TNRC6B: variants seen among roughly 807,000 people sequenced by gnomAD.
TNRC6B encodes the protein trinucleotide repeat-containing gene 6B protein.
TNRC6B carries 52 observed loss-of-function variants against 203.6 expected under a neutral mutation model. That is an observed-to-expected ratio of 0.26 (90% CI 0.20 to 0.32). The LOEUF (loss-of-function observed/expected upper bound fraction) is 0.32, where lower values mean the gene tolerates loss of function less well. Ranked by LOEUF, TNRC6B falls within the 10% of genes least tolerant of loss-of-function variation. TNRC6B has a pLI of 1.00. For missense variants in TNRC6B, 1,923 were observed against 2,286.2 expected, an observed-to-expected ratio of 0.84 and a Z score of 3.24; for synonymous variants, 838 against 845.7, an observed-to-expected ratio of 0.99 and a Z score of 0.16.
rs538678269 is a variant in TNRC6B at position 40,268,288 on chromosome 22, G to A, written c.2806+1252G>A. On this transcript the variant is annotated intron_variant, in intron 5 of 22. Coordinates refer to ENST00000454349, the MANE Select transcript of TNRC6B (RefSeq NM_001162501.2). ...TTTAGTAGAGACAGGATTTCACCAT[G>A]TTGGCCAGGGTGGTCTCAGACTCCT... 9.2e-5 allele frequency among the ~76,000 whole-genome samples: 14 copies of A among 152,134 alleles called. 1 individual carries two copies. In the South Asian group the frequency reaches 2.9e-3, roughly 32 times the overall value.
rs568421413 is a variant in TNRC6B, at chr22:40,248,489, A to G, written c.93+2387A>G. 5.9e-5 allele frequency among the ~76,000 whole-genome samples: 9 copies of G among 152,392 alleles called. 1 individual carries two copies. In the South Asian group the frequency reaches 1.7e-3, roughly 28 times the overall value. Reference sequence around the variant, plus strand: ...ATATTCCTCTTCATTTTTAACATACATAACAGTGTTTTCTTAAACTACAAA... The same window carrying G: ...ATATTCCTCTTCATTTTTAACATACGTAACAGTGTTTTCTTAAACTACAAA... On this transcript the variant is annotated intron_variant, in intron 2 of 22. Transcript: ENST00000454349.
intron 1 of TNRC6B, among the ~76,000 whole-genome samples, chr22:40,049,417 A>C (rs1003957268): frequency 1.3e-5 from 2 of 152,006 alleles, no homozygotes; most frequent in Non-Finnish European, 2.9e-5. Context: ...CCTGACTTCT[A>C]TCCCGGAGAT....
At chr22:40,105,571 G>T (rs909649517) in intron 1 of TNRC6B, among the ~76,000 whole-genome samples, 4 of 152,104 alleles carry the variant, frequency 2.6e-5, no homozygotes, top group Non-Finnish European at 5.9e-5. Context: ...ATCTCCTTTT[G>T]TGTCTCGTCC....
intron 1 of TNRC6B, among the ~76,000 whole-genome samples, chr22:40,090,414 TTA>T (rs1229062232): frequency 1.4e-5 from 2 of 146,626 alleles, no homozygotes; most frequent in African/African-American, 5.1e-5. Context: ...TTTTTTTTTT[TTA>T]AATTTGTAGT....
At chr22:40,149,840 C>G (rs1438879870) in intron 3 of TNRC6B, among the ~76,000 whole-genome samples, 1 of 151,820 alleles carries the variant, frequency 6.6e-6, no homozygotes, top group African/African-American at 2.4e-5. Context: ...ACTTTGTCAC[C>G]CAGGCTGAAG....
At chr22:40,237,943 C>T (rs1440663800) in intron 1 of TNRC6B, among the ~76,000 whole-genome samples, 2 of 151,904 alleles carry the variant, frequency 1.3e-5, no homozygotes, top group African/African-American at 4.8e-5. Flanking sequence ...CTTCTTTTGC[C>T]CAGTCTTATA....
rs2068456566 is a variant in TNRC6B at position 40,122,697 on chromosome 22, AT to A, written c.-46-3074del. 2.0e-5 allele frequency among the ~76,000 whole-genome samples: 3 copies of A among 152,206 alleles called. No individual in the cohort carries two copies. In the South Asian group the frequency reaches 6.2e-4, roughly 32 times the overall value. The stretch of plus-strand genomic sequence containing the variant: ...GGAAGAAGCATTCCCCTTTCACAGC[AT>A]GTCCAAAGGGAAATGGAGATCACTG... On this transcript the variant is annotated intron_variant, in intron 2 of 23. Coordinates refer to the TNRC6B transcript ENST00000301923.
intron 3 of TNRC6B, among the ~76,000 whole-genome samples, chr22:40,154,900 T>TAC (rs1302114049): frequency 8.6e-6 from 1 of 116,158 alleles, no homozygotes; most frequent in Non-Finnish European, 1.7e-5. Context: ...TATATACATA[T>TAC]ATATATATAT....
At chr22:40,259,514 G>A (rs182708216) in intron 3 of TNRC6B, among the ~76,000 whole-genome samples, 64 of 152,216 alleles carry the variant, frequency 4.2e-4, no homozygotes, top group Middle Eastern at 3.4e-3. Flanking sequence ...GAGCCATCGC[G>A]CCTGGCCGAC....
intron 15 of TNRC6B, among the ~76,000 whole-genome samples, chr22:40,306,530 G>A (rs1392481519): frequency 1.3e-5 from 2 of 152,154 alleles, no homozygotes; most frequent in African/African-American, 4.8e-5. Context: ...TTTCTCAAAG[G>A]CAGAAGTGTA....
chr22:40,316,713 A>C (rs1366503943), intron 21 of TNRC6B, among the ~76,000 whole-genome samples: 1 of 152,248 alleles, frequency 6.6e-6, no homozygotes, highest in Non-Finnish European at 1.5e-5. Flanking sequence ...TCTTGACTAC[A>C]GGAGTGGGTG....
intron 1 of TNRC6B, among the ~76,000 whole-genome samples, chr22:40,057,108 G>A (rs764725541): frequency 1.3e-5 from 2 of 152,076 alleles, no homozygotes; most frequent in African/African-American, 2.4e-5. Flanking sequence ...GTAAACAGTC[G>A]AGATAAAGTC....
rs1197308480 is a variant in TNRC6B at position 40,264,776 on chromosome 22, C to T, written c.546C>T (p.Asn182=). 6 of 1,613,940 alleles carry T rather than the reference C, an allele frequency of 3.7e-6. No individual in the cohort carries two copies. Among genetic ancestry groups the T allele is most frequent in the Non-Finnish European group, 5.1e-6 (6 of 1,179,864 alleles). The change falls in exon 5 of 23, where the codon AAC becomes AAT. Residue 182 remains asparagine (N), a synonymous_variant. Coordinates refer to ENST00000454349, the MANE Select transcript of TNRC6B (RefSeq NM_001162501.2). ...GASSNNGTSP[N]PIHIWDKVIV... The stretch of plus-strand genomic sequence containing the variant: ...CCTCCAACAACGGCACCTCCCCCAA[C>T]CCAATTCACATCTGGGACAAGGTGA...
rs543210192 is a variant in TNRC6B at position 40,315,395 on chromosome 22, G to A, written c.4791G>A (p.Pro1597=). The change falls in exon 20 of 23, where the codon CCG becomes CCA. Residue 1597 remains proline, a synonymous_variant. Coordinates refer to ENST00000454349, the MANE Select transcript of TNRC6B (RefSeq NM_001162501.2). ...ATATTTCCTCCAGGAACACTACACC[G>A]CTGCCCCGCCCACCTCCTGGTCTGA... ...KNHISSRNTT[P]LPRPPPGLTN... is the part of the protein sequence containing the mutation. The A allele has an allele frequency of 2.4e-5, 39 of 1,613,894 alleles. No homozygotes were observed. Among genetic ancestry groups the A allele is most frequent in the Middle Eastern group, 3.3e-4 (2 of 6,062 alleles).
At position 40,323,266 on chromosome 22, in the gene TNRC6B, C is replaced by G. The variant is rs1276105552; in HGVS notation, c.*25C>G. ...AACTTAGAACTTTCAACTCTGACCT[C>G]GTGACCTTTTTTGGAACAGCAGCAG... is the stretch of plus-strand genomic sequence containing the variant. On this transcript the variant is annotated 3_prime_UTR_variant, in exon 23 of 23. Coordinates refer to ENST00000454349, the MANE Select transcript of TNRC6B (RefSeq NM_001162501.2). 2.5e-6 allele frequency: 4 copies of G among 1,588,132 alleles called. No homozygotes were observed. The Admixed American group carries it at 7.2e-5, about 29-fold the overall frequency.
chr22:40,295,178 T>C (rs531203480), intron 12 of TNRC6B, among the ~76,000 whole-genome samples: 4 of 151,168 alleles, frequency 2.6e-5, no homozygotes, highest in South Asian at 4.2e-4. Flanking sequence ...ACTAGAAGAG[T>C]GTCAAAGAAA....
chr22:40,061,086 C>A (rs73418342), intron 1 of TNRC6B, among the ~76,000 whole-genome samples: 6,718 of 152,220 alleles, frequency 0.044, 449 homozygotes, highest in African/African-American at 0.14. Flanking sequence ...TGTTTGAATT[C>A]TTTTTGGTAC....
chr22:40,107,263 A>G (rs905497695), intron 1 of TNRC6B, among the ~76,000 whole-genome samples: 2 of 152,204 alleles, frequency 1.3e-5, no homozygotes, highest in Non-Finnish European at 2.9e-5. Flanking sequence ...ACATTTGAGT[A>G]TACAGTTCAC....
At chr22:40,172,782 C>T (rs994539162) in intron 4 of TNRC6B, among the ~76,000 whole-genome samples, 1 of 152,150 alleles carries the variant, frequency 6.6e-6, no homozygotes, top group Non-Finnish European at 1.5e-5. Flanking sequence ...ATAGCATTCA[C>T]CTAGAAAATT....
Sources: gnomAD v4.1 joint callset for allele counts (sites outside exome capture counted in the v4.1 genomes callset) on GRCh38, gnomAD v4.1.1 for gene constraint, MANE v1.5 for transcripts, NCBI Gene and HGNC (gene_info 2026-07-23, HGNC 2026-07-21) for gene names.